The following PDE2A variants were observed in gnomAD, a reference collection of about 807,000 sequenced individuals.
PDE2A encodes the protein phosphodiesterase 2A.
Under a neutral mutation model 133.6 loss-of-function variants are expected in PDE2A, and 53 were observed. That is an observed-to-expected ratio of 0.40 (90% CI 0.32 to 0.50). The LOEUF is 0.50. Ranked by LOEUF, PDE2A falls within the 20% of genes least tolerant of loss-of-function variation. The pLI, the probability that PDE2A is intolerant of heterozygous loss-of-function variation, is 0.73. For missense variants in PDE2A, 796 were observed against 1,232.4 expected (o/e 0.65, Z 5.30); for synonymous variants, 491 against 490.2 (o/e 1.00, Z -0.02).
chr11:72,661,687 G>A (rs1269443305), intron 1 of PDE2A, among the ~76,000 whole-genome samples: 4 of 152,342 alleles, frequency 2.6e-5, no homozygotes, highest in Non-Finnish European at 5.9e-5. Context: ...CAGCATGTGC[G>A]GCAGCCCAGA....
At chr11:72,605,839 G>A (rs572356118) in intron 3 of PDE2A, among the ~76,000 whole-genome samples, 1 of 148,514 alleles carries the variant, frequency 6.7e-6, no homozygotes, top group African/African-American at 2.4e-5. Context: ...GGTGCAGAAT[G>A]GGCTCCCAGG....
intron 30 of PDE2A, among the ~76,000 whole-genome samples, chr11:72,577,901 G>T (rs544293118): frequency 6.6e-5 from 10 of 152,344 alleles, no homozygotes; most frequent in South Asian, 2.1e-4. Flanking sequence ...GAACCCAGGA[G>T]GGGGAGGTTG....
intron 5 of PDE2A, among the ~76,000 whole-genome samples, chr11:72,596,994 G>T (rs1201379355): frequency 6.6e-6 from 1 of 152,186 alleles, no homozygotes; most frequent in Non-Finnish European, 1.5e-5. Context: ...CACACAGCAA[G>T]TCAGGTCTCC....
rs900796906 is a variant in PDE2A at position 72,590,445 on chromosome 11, T to C, written c.685A>G (p.Lys229Glu). 6.4e-7 allele frequency: 1 copy of C among 1,555,748 alleles called. No individual in the cohort carries two copies. The highest frequency in any genetic ancestry group is 8.7e-7 in the Non-Finnish European group (1 of 1,151,288). The change falls in exon 8 of 31, where the codon AAG (lysine) becomes GAG (glutamate). Residue 229 changes from lysine to glutamate, a missense_variant. This residue lies in a region of PDE2A where 417 missense variants were observed against 475.3 expected (regional missense o/e 0.88). Coordinates refer to ENST00000334456, the MANE Select transcript of PDE2A (RefSeq NM_002599.5). This position sits in a 1 kb window ranked among gnomAD's most constrained non-coding sequence, Gnocchi z 4.8. ...CCCTCACCGCACAGTTGGAGGATCT[T>C]GCGGTCGCGGTCGGTGTACGCCGCC... ...GGAAYTDRDR[K>E]ILQLCGELYD...
chr11:72,635,159 T>A (rs535937866), intron 2 of PDE2A, among the ~76,000 whole-genome samples: 1 of 152,282 alleles, frequency 6.6e-6, no homozygotes, highest in South Asian at 2.1e-4. Flanking sequence ...CCCTGCAAGC[T>A]TTGGGAGTGG....
At chr11:72,650,879 ACACACAC>A (rs1854719608) in intron 1 of PDE2A, among the ~76,000 whole-genome samples, 1 of 19,914 alleles carries the variant, frequency 5.0e-5, no homozygotes, top group Non-Finnish European at 8.9e-5. Flanking sequence ...TCCCCACTAC[ACACACAC>A]ACACACACAC....
chr11:72,577,470 C>G lies in PDE2A; in HGVS notation c.2740G>C (p.Asp914His). 1 of 1,614,052 alleles carries G rather than the reference C, an allele frequency of 6.2e-7. No individual in the cohort carries two copies. The highest frequency in any genetic ancestry group is 8.5e-7 in the Non-Finnish European group (1 of 1,180,024). The change falls in exon 31 of 31, where the codon GAC becomes CAC. Residue 914 changes from aspartate (D) to histidine (H), a missense_variant. Asp to His is a moderately conservative substitution (Grantham distance 81, BLOSUM62 -1). This residue lies in a region of PDE2A where 83 missense variants were observed against 99.0 expected (regional missense o/e 0.84). Transcript: ENST00000334456. The stretch of plus-strand genomic sequence containing the variant: ...ACCTCGTACTCCTCATCCAGGAAGT[C>G]CAGCGAGTTGTTACTTGGGAGGCCG... ...IRGLPSNNSL[D>H]FLDEEYEVPD...
At chr11:72,662,756 G>A (rs1025789050) in intron 1 of PDE2A, among the ~76,000 whole-genome samples, 1 of 152,122 alleles carries the variant, frequency 6.6e-6, no homozygotes. Flanking sequence ...CAACTCACAT[G>A]TCCTTGGCCA....
intron 1 of PDE2A, among the ~76,000 whole-genome samples, chr11:72,653,526 G>C (rs1202643741): frequency 2.0e-5 from 3 of 152,164 alleles, no homozygotes; most frequent in Non-Finnish European, 4.4e-5. Flanking sequence ...GAGTCGCAGG[G>C]GAGTGACAGA....
At chr11:72,668,924 A>G in intron 1 of PDE2A, 1 of 1,024,062 alleles carries the variant, frequency 9.8e-7, no homozygotes, top group Non-Finnish European at 1.2e-6. Flanking sequence ...CTGAGCTCCT[A>G]GCTCTGGTCT....
intron 27 of PDE2A, 110 bp from the exon 28 acceptor site, chr11:72,579,119 A>T (rs1472750853): frequency 2.1e-6 from 2 of 971,652 alleles, no homozygotes; most frequent in African/African-American, 3.2e-5. Context: ...GGCACCCTTG[A>T]TGGGAGCCAA....
chr11:72,579,164 G>T, intron 27 of PDE2A, 120 bp downstream of exon 27: 3 of 949,890 alleles, frequency 3.2e-6, no homozygotes, highest in Admixed American at 1.7e-5. Flanking sequence ...GGGGGGCCGT[G>T]CAGCCAGAGA....
intron 2 of PDE2A, among the ~76,000 whole-genome samples, chr11:72,641,517 G>C (rs1853442171): frequency 6.6e-6 from 1 of 152,226 alleles, no homozygotes; most frequent in African/African-American, 2.4e-5. Context: ...TGGGGCAACA[G>C]ACCAAATTAG....
rs917579741 is a variant in PDE2A at position 72,636,206 on chromosome 11, G to A, written c.144+6048C>T. Reference sequence around the variant, plus strand: ...CAGGAAGGTCCTGGAGCTGCAGGGGGCAGCCACATCAGAGGCAGCAGCTTC... The same window carrying A: ...CAGGAAGGTCCTGGAGCTGCAGGGGACAGCCACATCAGAGGCAGCAGCTTC... On this transcript the variant is annotated intron_variant, in intron 2 of 30. Transcript: ENST00000334456. 12 of 964,530 alleles carry A rather than the reference G, an allele frequency of 1.2e-5. No individual in the cohort carries two copies. The African/African-American group carries it at 2.1e-4, about 17-fold the overall frequency. The allele number at this position is 964,530 out of a possible 1,614,324, so 59.7% of individuals were successfully genotyped here.
rs145524236 is a variant in PDE2A, at chr11:72,597,607, G to T, written c.336C>A (p.Ile112=). ...CATTGCAGCCCAGCCGCTTCTGGGA[G>T]ATGATAGCCTCCCTGAAAAGAGGAC... The part of the protein sequence containing the change: ...PQEGKVREAI[I]SQKRLGCNGL... The change falls in exon 5 of 31, where the codon ATC becomes ATA. Residue 112 remains isoleucine (I), a synonymous_variant. Coordinates refer to ENST00000334456, the MANE Select transcript of PDE2A (RefSeq NM_002599.5). This position sits in a 1 kb window ranked among gnomAD's most constrained non-coding sequence, Gnocchi z 4.6. The T allele has an allele frequency of 6.2e-7, 1 of 1,611,626 alleles. No individual in the cohort carries two copies. Among genetic ancestry groups the T allele is most frequent in the Non-Finnish European group, 8.5e-7 (1 of 1,178,552 alleles).
chr11:72,635,543 C>T (rs1858637393), intron 2 of PDE2A, among the ~76,000 whole-genome samples: 2 of 152,232 alleles, frequency 1.3e-5, no homozygotes, highest in South Asian at 4.1e-4. Flanking sequence ...CGCATCCACA[C>T]AGCCCTGGCT....
intron 2 of PDE2A, among the ~76,000 whole-genome samples, chr11:72,632,916 G>A (rs1225873302): frequency 6.6e-6 from 1 of 152,166 alleles, no homozygotes; most frequent in Non-Finnish European, 1.5e-5. Flanking sequence ...TTCAAGTGTG[G>A]GGAAAGTGCC....
intron 2 of PDE2A, among the ~76,000 whole-genome samples, chr11:72,615,578 C>A (rs1361318182): frequency 6.6e-6 from 1 of 152,144 alleles, no homozygotes; most frequent in African/African-American, 2.4e-5. Flanking sequence ...CGGGGCAGAG[C>A]CAGCTCAGGT....
At chr11:72,662,566 G>A (rs1314987785) in intron 1 of PDE2A, among the ~76,000 whole-genome samples, 1 of 152,152 alleles carries the variant, frequency 6.6e-6, no homozygotes, top group Non-Finnish European at 1.5e-5. Flanking sequence ...GGGTGCCATG[G>A]ATGAGTGCTC....
Sources: allele counts gnomAD v4.1 joint callset (sites outside exome capture counted in the v4.1 genomes callset), GRCh38; gene constraint gnomAD v4.1.1; regional missense constraint gnomAD v4.1.1; non-coding constraint Gnocchi (gnomAD v3.1); transcripts MANE v1.5; gene names NCBI Gene and HGNC (gene_info 2026-07-23, HGNC 2026-07-21).